Variants in MAD1L1 observed in about 807,000 individuals in gnomAD.
MAD1L1 encodes the protein mitotic arrest deficient 1 like 1.
Under a neutral mutation model 96.9 loss-of-function variants are expected in MAD1L1, and 95 were observed. That is an observed-to-expected ratio of 0.98 (90% CI 0.83 to 1.16). The LOEUF is 1.16. Ranked by LOEUF, MAD1L1 falls within the 50% of genes most tolerant of loss-of-function variation. The pLI is 0.00. For synonymous variants in MAD1L1, 473 were observed against 396.6 expected, an observed-to-expected ratio of 1.19 and a Z score of -2.29; for missense variants, 1,007 against 954.4, an observed-to-expected ratio of 1.06 and a Z score of -0.73.
rs1299896262 is a variant in MAD1L1, at chr7:2,230,395, T to TG, written c.-11+153dup. Reference sequence around the variant, plus strand: ...CCACCAATTGAGTCTCAGTTGCACATGGACAGATGGACAGCTGGCGCCCGG... The same window carrying TG: ...CCACCAATTGAGTCTCAGTTGCACATGGGACAGATGGACAGCTGGCGCCCGG... On this transcript the variant is annotated intron_variant, in intron 2 of 18. Transcript: ENST00000265854. 5 of 397,020 alleles carry TG rather than the reference T, an allele frequency of 1.3e-5. No individual in the cohort carries two copies. In the East Asian group the frequency reaches 2.4e-4, roughly 19 times the overall value. 24.6% of individuals were successfully genotyped at this position (397,020 alleles called of 1,614,324 possible). A position where few individuals can be genotyped will look rare whatever the true frequency, so the allele number is the denominator to read the frequency against.
At chr7:1,911,811 C>T (rs978662553) in intron 17 of MAD1L1, among the ~76,000 whole-genome samples, 8 of 152,284 alleles carry the variant, frequency 5.3e-5, no homozygotes, top group African/African-American at 1.9e-4. Flanking sequence ...CCCTCTTGGG[C>T]ATCCTATCCC....
chr7:2,113,844 C>G (rs1187044588), intron 11 of MAD1L1, among the ~76,000 whole-genome samples: 2 of 152,234 alleles, frequency 1.3e-5, no homozygotes, highest in Admixed American at 1.3e-4. Context: ...CTCGCTCCAA[C>G]TGAGGAACAT....
intron 18 of MAD1L1, chr7:1,847,087 C>T (rs1783669721): frequency 5.6e-6 from 2 of 358,140 alleles, no homozygotes; most frequent in Non-Finnish European, 1.1e-5. Flanking sequence ...AATCTGCTCA[C>T]ATCCATCAGG....
chr7:2,209,666 A>G (rs1360472963), intron 10 of MAD1L1, among the ~76,000 whole-genome samples: 3 of 152,202 alleles, frequency 2.0e-5, no homozygotes, highest in Admixed American at 6.5e-5. Context: ...ACCTAGTGGC[A>G]GCAGCTCCTC....
At chr7:2,027,696 G>A (rs527379178) in intron 12 of MAD1L1, among the ~76,000 whole-genome samples, 55 of 152,296 alleles carry the variant, frequency 3.6e-4, no homozygotes, top group African/African-American at 1.3e-3. Flanking sequence ...AACCCTCTTG[G>A]CAAATGAGGA....
chr7:1,917,746 C>T (rs1418090465), intron 17 of MAD1L1, among the ~76,000 whole-genome samples: 4 of 152,304 alleles, frequency 2.6e-5, no homozygotes, highest in South Asian at 2.1e-4. Context: ...ACACGCTGCC[C>T]GGGCGTGTGG....
intron 12 of MAD1L1, among the ~76,000 whole-genome samples, chr7:2,050,071 C>T (rs1056095592): frequency 7.5e-6 from 1 of 134,064 alleles, no homozygotes; most frequent in Admixed American, 7.7e-5. Flanking sequence ...CCAGACCACA[C>T]GTTCACGGGG....
chr7:1,918,870 C>G (rs1788589880), intron 17 of MAD1L1, among the ~76,000 whole-genome samples: 1 of 151,964 alleles, frequency 6.6e-6, no homozygotes, highest in African/African-American at 2.4e-5. Flanking sequence ...GCCCCAGCCC[C>G]CCTCCCCTCC....
chr7:2,197,545 T>G lies in MAD1L1; in HGVS notation c.986+15667A>C, dbSNP rs913777016. Among the ~76,000 whole-genome samples, 4 of 152,276 alleles carry G rather than the reference T, an allele frequency of 2.6e-5. No homozygotes were observed. The South Asian group carries it at 8.3e-4, about 32-fold the overall frequency. On this transcript the variant is annotated intron_variant, in intron 10 of 18. Coordinates refer to ENST00000265854, the MANE Select transcript of MAD1L1 (RefSeq NM_001013836.2). ...GTGCACTGCACAGCCACCTTCTCCC[T>G]GCACACGGGCCCAAGCTCGGACACA...
At chr7:1,920,045 G>C (rs1437305450) in intron 17 of MAD1L1, among the ~76,000 whole-genome samples, 1 of 151,638 alleles carries the variant, frequency 6.6e-6, no homozygotes, top group South Asian at 2.1e-4. Flanking sequence ...CCAGGAGGGC[G>C]CACAGCAGGG....
At chr7:2,134,086 G>C (rs1013149794) in intron 11 of MAD1L1, among the ~76,000 whole-genome samples, 1 of 152,160 alleles carries the variant, frequency 6.6e-6, no homozygotes, top group African/African-American at 2.4e-5. Context: ...ATTCTGACTG[G>C]GACTGCACAG....
chr7:2,040,086 T>C (rs1001943922), intron 12 of MAD1L1, among the ~76,000 whole-genome samples: 4 of 152,174 alleles, frequency 2.6e-5, no homozygotes, highest in Admixed American at 2.6e-4. Context: ...AAAGAGACAC[T>C]AGCTGACCTT....
chr7:1,917,704 A>G (rs1788500403), intron 17 of MAD1L1, among the ~76,000 whole-genome samples: 1 of 152,226 alleles, frequency 6.6e-6, no homozygotes, highest in Non-Finnish European at 1.5e-5. Context: ...TAGCAAGAGC[A>G]AGAGGGCTCC....
At chr7:2,129,261 G>A (rs547287197) in intron 11 of MAD1L1, among the ~76,000 whole-genome samples, 1 of 152,364 alleles carries the variant, frequency 6.6e-6, no homozygotes, top group South Asian at 2.1e-4. Flanking sequence ...AGGGGGCAGG[G>A]AGGGAGTGAA....
intron 11 of MAD1L1, among the ~76,000 whole-genome samples, chr7:2,121,500 T>C (rs1357093098): frequency 1.3e-5 from 2 of 152,132 alleles, no homozygotes; most frequent in East Asian, 3.9e-4. Context: ...ACCAGGCAGG[T>C]GCTCACTGAC....
At chr7:1,955,570 C>T (rs960684906) in intron 16 of MAD1L1, among the ~76,000 whole-genome samples, 4 of 152,172 alleles carry the variant, frequency 2.6e-5, no homozygotes, top group African/African-American at 7.2e-5. Context: ...GGATTACAGG[C>T]GTGAGCCACC....
chr7:2,165,594 G>A (rs1790387975), intron 10 of MAD1L1, among the ~76,000 whole-genome samples: 1 of 151,724 alleles, frequency 6.6e-6, no homozygotes. Flanking sequence ...ACGTGGTCCA[G>A]GGGAGAGGGG....
intron 10 of MAD1L1, among the ~76,000 whole-genome samples, chr7:2,178,861 C>T (rs933889627): frequency 1.3e-5 from 2 of 148,946 alleles, no homozygotes; most frequent in South Asian, 2.1e-4. Flanking sequence ...CACATCACTG[C>T]ACTTCAGCCT....
chr7:2,168,119 T>C (rs984155758), intron 10 of MAD1L1, among the ~76,000 whole-genome samples: 2 of 152,062 alleles, frequency 1.3e-5, no homozygotes, highest in Non-Finnish European at 2.9e-5. Flanking sequence ...ACCCCATCTC[T>C]ACTAAAAATA....
Sources: gnomAD v4.1 joint callset for allele counts (sites outside exome capture counted in the v4.1 genomes callset) on GRCh38, gnomAD v4.1.1 for gene constraint, MANE v1.5 for transcripts, NCBI Gene and HGNC (gene_info 2026-07-23, HGNC 2026-07-21) for gene names.